MFSD6: variants seen among roughly 807,000 people sequenced by gnomAD.
MFSD6 encodes major facilitator superfamily domain containing 6, also known as major facilitator superfamily domain-containing protein 6.
MFSD6 carries 26 observed loss-of-function variants against 56.3 expected under a neutral mutation model. The observed-to-expected ratio is 0.46, with a 90% CI of 0.34 to 0.64. MFSD6 has a LOEUF of 0.64. MFSD6 is among the 30% of genes least tolerant of loss of function. The pLI, the probability that MFSD6 is intolerant of heterozygous loss-of-function variation, is 0.01. For missense variants in MFSD6, 750 were observed against 986.2 expected, an observed-to-expected ratio of 0.76 and a Z score of 3.21; for synonymous variants, 331 against 366.9, an observed-to-expected ratio of 0.90 and a Z score of 1.12.
In MFSD6 at chr2:190,458,412, CCAA is replaced by C. The variant is rs1360895606; in HGVS notation, c.1533-11344_1533-11342del. ...AGGGAGAGGATGACTTGTCTGCAAG[CCAA>C]CGAGAGGGGCCCTGGAGAAACCAAC... On this transcript the variant is annotated intron_variant, in intron 3 of 7. Transcript: ENST00000392328. This position sits in a 1 kb window ranked among gnomAD's most constrained non-coding sequence, Gnocchi z 5.3. Among the ~76,000 whole-genome samples, 1 of 152,010 alleles carries C rather than the reference CCAA, an allele frequency of 6.6e-6. No homozygotes were observed. The highest frequency in any genetic ancestry group is 2.4e-5 in the African/African-American group (1 of 41,386).
Position 190,424,189 on chromosome 2 carries a change from A to T in MFSD6, c.-54+8776A>T, listed in dbSNP as rs892172575. ...TTTATGGATCATGGTATCGGTGTCA[A>T]GTCTAAAAACTCTGCCTAGCACTAG... On this transcript the variant is annotated intron_variant, in intron 2 of 7. Coordinates refer to ENST00000392328, the MANE Select transcript of MFSD6 (RefSeq NM_017694.4). The surrounding 1 kb of genome is among the most constrained non-coding windows in gnomAD (Gnocchi z 5.9). Among the ~76,000 whole-genome samples the T allele has an allele frequency of 3.3e-5, 5 of 150,812 alleles. No homozygotes were observed. Among genetic ancestry groups the T allele is most frequent in the Non-Finnish European group, 7.4e-5 (5 of 67,882 alleles).
At position 190,497,200 on chromosome 2, in the gene MFSD6, T is replaced by C. The variant is rs1206166176; in HGVS notation, c.1892-239T>C. On this transcript the variant is annotated intron_variant, in intron 6 of 7. Transcript: ENST00000392328. The surrounding 1 kb of genome is among the most constrained non-coding windows in gnomAD (Gnocchi z 5.2). ...TTCTAAGTTAAATGAAAAATATATT[T>C]CTTAAATATATATGCTAATGTCTAT... Among the ~76,000 whole-genome samples the C allele has an allele frequency of 6.6e-6, 1 of 152,116 alleles. No individual in the cohort carries two copies. Among genetic ancestry groups the C allele is most frequent in the African/African-American group, 2.4e-5 (1 of 41,418 alleles).
chr2:190,422,397 T>G (rs569603052), intron 2 of MFSD6, among the ~76,000 whole-genome samples: 18 of 152,278 alleles, frequency 1.2e-4, no homozygotes, highest in African/African-American at 4.3e-4. Context: ...CTGTATCCCT[T>G]GTCTGTCTTT....
intron 2 of MFSD6, among the ~76,000 whole-genome samples, chr2:190,427,386 T>C (rs1441064481): frequency 6.6e-6 from 1 of 152,230 alleles, no homozygotes; most frequent in African/African-American, 2.4e-5. Flanking sequence ...GTTATGATCA[T>C]TTTTTCTGTG....
chr2:190,476,947 T>C (rs942458865), intron 4 of MFSD6, among the ~76,000 whole-genome samples: 6 of 150,178 alleles, frequency 4.0e-5, no homozygotes, highest in Non-Finnish European at 4.4e-5. Context: ...AGCAAACTAT[T>C]GTAAGGACAA....
In MFSD6 at chr2:190,423,404, G is replaced by A. The variant is rs758410107; in HGVS notation, c.-54+7991G>A. 6.6e-6 allele frequency among the ~76,000 whole-genome samples: 1 copy of A among 152,154 alleles called. No homozygotes were observed. The highest frequency in any genetic ancestry group is 1.5e-5 in the Non-Finnish European group (1 of 68,032). On this transcript the variant is annotated intron_variant, in intron 2 of 7. Transcript: ENST00000392328. This position sits in a 1 kb window ranked among gnomAD's most constrained non-coding sequence, Gnocchi z 4.3. Reference sequence around the variant, plus strand: ...ATACAGTATGTAATGTTTTGAGATAGGATTTTTTCATTCTATAATTATCTG... The same window carrying A: ...ATACAGTATGTAATGTTTTGAGATAAGATTTTTTCATTCTATAATTATCTG...
intron 4 of MFSD6, among the ~76,000 whole-genome samples, chr2:190,478,307 G>A (rs1198859992): frequency 6.6e-6 from 1 of 152,140 alleles, no homozygotes; most frequent in African/African-American, 2.4e-5. Context: ...TTTCCACAGA[G>A]CTCTTTGTTT....
chr2:190,481,930 G>A (rs1018595281), intron 4 of MFSD6, among the ~76,000 whole-genome samples: 4 of 152,192 alleles, frequency 2.6e-5, no homozygotes, highest in African/African-American at 9.6e-5. Flanking sequence ...AGAGAGACTG[G>A]CTTGCTACTC....
chr2:190,436,781 C>A lies in MFSD6; in HGVS notation c.752C>A (p.Ser251Tyr), dbSNP rs1347161627. ...AACTCAAGCACAGCAACCCCTGTCT[C>A]CCCAGGAAGCGTAACCAAGGAGACA... is the stretch of plus-strand genomic sequence containing the variant. ...TLNSSTATPVSPGSVTKETTT... is the reference protein window; with the variant it reads ...TLNSSTATPVYPGSVTKETTT... Residue 251 changes from serine to tyrosine, a missense_variant, in exon 3 of 8, where the codon TCC becomes TAC. Physicochemically the swap from Ser to Tyr is moderately radical, Grantham distance 144 (BLOSUM62 -2). Transcript: ENST00000392328. This position sits in a 1 kb window ranked among gnomAD's most constrained non-coding sequence, Gnocchi z 5.3. 1 of 1,614,178 alleles carries A rather than the reference C, an allele frequency of 6.2e-7. No individual in the cohort carries two copies. The highest frequency in any genetic ancestry group is 1.7e-5 in the Admixed American group (1 of 60,016).
intron 4 of MFSD6, among the ~76,000 whole-genome samples, chr2:190,483,867 A>G (rs926692985): frequency 2.0e-5 from 3 of 151,980 alleles, no homozygotes; most frequent in Non-Finnish European, 4.4e-5. Context: ...GTTAACGAAA[A>G]CAATTAATGT....
At position 190,500,325 on chromosome 2, in the gene MFSD6, G is replaced by A. The variant is rs980227684; in HGVS notation, c.*107G>A. On this transcript the variant is annotated 3_prime_UTR_variant, in exon 8 of 8. Transcript: ENST00000392328. The surrounding 1 kb of genome is among the most constrained non-coding windows in gnomAD (Gnocchi z 5.3). ...GCCTCCCCTGGAGGAGCACAGCACT[G>A]CATATGCTTCTAAATATCTAAACTC... 1.0e-4 allele frequency: 112 copies of A among 1,114,474 alleles called. No individual in the cohort carries two copies. Among genetic ancestry groups the A allele is most frequent in the Middle Eastern group, 8.4e-4 (3 of 3,586 alleles). The allele number at this position is 1,114,474 out of a possible 1,614,324, so 69.0% of individuals were successfully genotyped here.
chr2:190,437,884 A>G lies in MFSD6; in HGVS notation c.1532+323A>G, dbSNP rs1229397346. ...CAGGTATAGGAACACCAGCTTAGTG[A>G]ACATATTATTCCATGGAGGGTCCAC... is the stretch of plus-strand genomic sequence containing the variant. On this transcript the variant is annotated intron_variant, in intron 3 of 7. Coordinates refer to ENST00000392328, the MANE Select transcript of MFSD6 (RefSeq NM_017694.4). This position sits in a 1 kb window ranked among gnomAD's most constrained non-coding sequence, Gnocchi z 5.9. Among the ~76,000 whole-genome samples the G allele has an allele frequency of 6.6e-6, 1 of 152,190 alleles. No individual in the cohort carries two copies. The highest frequency in any genetic ancestry group is 2.4e-5 in the African/African-American group (1 of 41,454).
intron 2 of MFSD6, among the ~76,000 whole-genome samples, chr2:190,421,065 G>A (rs1272921225): frequency 6.6e-6 from 1 of 152,178 alleles, no homozygotes; most frequent in Non-Finnish European, 1.5e-5. Flanking sequence ...GCATATGGTG[G>A]AGAGGAAATA....
intron 3 of MFSD6, among the ~76,000 whole-genome samples, chr2:190,448,914 C>T (rs1574127045): frequency 6.6e-6 from 1 of 152,122 alleles, no homozygotes; most frequent in East Asian, 1.9e-4. Flanking sequence ...TCAATATAAC[C>T]GTCCTCCTGT....
chr2:190,422,845 G>T (rs1685671551), intron 2 of MFSD6, among the ~76,000 whole-genome samples: 1 of 151,490 alleles, frequency 6.6e-6, no homozygotes, highest in African/African-American at 2.4e-5. Context: ...TTGACTTCCT[G>T]GGAGATGCTA....
rs1433535114 is a variant in MFSD6, at chr2:190,461,303, A to G, written c.1533-8455A>G. ...TTTGAGAAAGTAGACATGCACTTGGAAAAACATTCAAAAGGTATTTAGTAA... is the reference window on the plus strand; with the variant it reads ...TTTGAGAAAGTAGACATGCACTTGGGAAAACATTCAAAAGGTATTTAGTAA... On this transcript the variant is annotated intron_variant, in intron 3 of 7. Transcript: ENST00000392328. This position sits in a 1 kb window ranked among gnomAD's most constrained non-coding sequence, Gnocchi z 5.5. Among the ~76,000 whole-genome samples the G allele has an allele frequency of 6.6e-6, 1 of 152,194 alleles. No homozygotes were observed. Among genetic ancestry groups the G allele is most frequent in the East Asian group, 1.9e-4 (1 of 5,198 alleles).
rs753210073 is a variant in MFSD6, at chr2:190,497,980, ATAAAT to A, written c.2172+265_2172+269del. On this transcript the variant is annotated intron_variant, in intron 7 of 7. Transcript: ENST00000392328. The surrounding 1 kb of genome is among the most constrained non-coding windows in gnomAD (Gnocchi z 5.2). Reference sequence around the variant, plus strand: ...TCTTTCACTTCTTGAAAGAAATAAAATAAATTAATCCATTCTTTCATTGTATATTT... The same window carrying A: ...TCTTTCACTTCTTGAAAGAAATAAAATAATCCATTCTTTCATTGTATATTT... 3.1e-6 allele frequency: 1 copy of A among 322,490 alleles called. No homozygotes were observed. The highest frequency in any genetic ancestry group is 4.4e-5 in the Admixed American group (1 of 22,620). The allele number at this position is 322,490 out of a possible 1,614,324, so 20.0% of individuals were successfully genotyped here. A position where few individuals can be genotyped will look rare whatever the true frequency, so the allele number is the denominator to read the frequency against.
intron 4 of MFSD6, among the ~76,000 whole-genome samples, chr2:190,470,258 T>C (rs1460618713): frequency 3.3e-5 from 5 of 152,260 alleles, no homozygotes; most frequent in Non-Finnish European, 7.3e-5. Flanking sequence ...ATAATTATTT[T>C]ATCTCTTCAG....
At chr2:190,472,611 T>C (rs1219985623) in intron 4 of MFSD6, among the ~76,000 whole-genome samples, 2 of 152,132 alleles carry the variant, frequency 1.3e-5, no homozygotes, top group Admixed American at 6.5e-5. Context: ...CTACATCTGA[T>C]TGGTGTACCT....
Sources: gnomAD v4.1 joint callset for allele counts (sites outside exome capture counted in the v4.1 genomes callset) on GRCh38, gnomAD v4.1.1 for gene constraint, Gnocchi (gnomAD v3.1) non-coding constraint, MANE v1.5 for transcripts, NCBI Gene and HGNC (gene_info 2026-07-23, HGNC 2026-07-21) for gene names.